The following DENND4A variants were observed in gnomAD, a reference collection of about 807,000 sequenced individuals.
The protein encoded by DENND4A is C-myc promoter-binding protein.
In DENND4A, 70 loss-of-function variants were observed where a neutral mutation model predicts 199.3. That is an observed-to-expected ratio of 0.35 (90% CI 0.29 to 0.43). The LOEUF (loss-of-function observed/expected upper bound fraction) is 0.43, where lower values mean the gene tolerates loss of function less well. Among genes scored for constraint, DENND4A ranks in the 20% least tolerant of loss-of-function variants. DENND4A has a pLI of 1.00. For synonymous variants in DENND4A, 686 were observed against 766.9 expected, an observed-to-expected ratio of 0.89 and a Z score of 1.74; for missense variants, 1,723 against 2,255.8, an observed-to-expected ratio of 0.76 and a Z score of 4.78.
chr15:65,740,596 TCTAGA>T (rs2076234587), intron 5 of DENND4A, among the ~76,000 whole-genome samples: 1 of 149,284 alleles, frequency 6.7e-6, no homozygotes, highest in African/African-American at 2.5e-5. Flanking sequence ...ACGACTGCAC[TCTAGA>T]CTAGGCAACA....
chr15:65,766,630 G>C (rs1326969632), intron 1 of DENND4A: 1 of 152,118 alleles, frequency 6.6e-6, no homozygotes, highest in Non-Finnish European at 1.5e-5. Flanking sequence ...ATCCACAGGT[G>C]GTCCTGGAAC....
At chr15:65,690,350 G>C in intron 23 of DENND4A, 65 bp downstream of exon 23, 1 of 1,469,216 alleles carries the variant, frequency 6.8e-7, no homozygotes, top group Middle Eastern at 1.8e-4. Flanking sequence ...AACGAGTAAG[G>C]GGCTTTTGGT....
At chr15:65,732,849 C>CA in intron 7 of DENND4A, 31 bp from the exon 8 acceptor site, 1 of 1,350,004 alleles carries the variant, frequency 7.4e-7, no homozygotes, top group Admixed American at 1.8e-5. Context: ...TAAGTGATTC[C>CA]AAAGTGAACG....
chr15:65,771,725 A>G (rs1210712843), intron 1 of DENND4A: 1 of 1,610,688 alleles, frequency 6.2e-7, no homozygotes, highest in East Asian at 2.2e-5. Flanking sequence ...TTCTGGAGTT[A>G]TATCAACTTC....
chr15:65,766,591 G>C (rs2076993623), intron 1 of DENND4A: 3 of 152,166 alleles, frequency 2.0e-5, no homozygotes. Flanking sequence ...TTCTCAACAG[G>C]CAACTGTGGG....
At chr15:65,681,101 T>G (rs905353513) in intron 23 of DENND4A, 1 of 152,248 alleles carries the variant, frequency 6.6e-6, no homozygotes, top group Non-Finnish European at 1.5e-5. Context: ...TGCTCATCCA[T>G]TAGAAGCAAC....
intron 1 of DENND4A, among the ~76,000 whole-genome samples, chr15:65,786,095 C>T (rs1333703040): frequency 1.3e-5 from 2 of 152,048 alleles, no homozygotes; most frequent in Non-Finnish European, 2.9e-5. Context: ...AGGTATATGA[C>T]CTGGAGAAAC....
intron 1 of DENND4A, among the ~76,000 whole-genome samples, chr15:65,768,193 C>T (rs1429649799): frequency 1.3e-5 from 2 of 151,906 alleles, no homozygotes; most frequent in Admixed American, 6.6e-5. Flanking sequence ...GGTAGAGATG[C>T]GGTTTTGCCA....
chr15:65,791,267 A>T (rs1452779792), intron 1 of DENND4A, among the ~76,000 whole-genome samples: 2 of 152,228 alleles, frequency 1.3e-5, no homozygotes, highest in African/African-American at 4.8e-5. Context: ...CGTTTGAATT[A>T]AAAGCACATT....
intron 12 of DENND4A, among the ~76,000 whole-genome samples, chr15:65,721,150 T>C (rs1299766147): frequency 6.6e-6 from 1 of 151,466 alleles, no homozygotes; most frequent in Non-Finnish European, 1.5e-5. Flanking sequence ...CAATAGCTGT[T>C]GGGCTTCTTA....
intron 1 of DENND4A, among the ~76,000 whole-genome samples, chr15:65,765,524 TG>T (rs1288386179): frequency 6.6e-6 from 1 of 152,242 alleles, no homozygotes; most frequent in African/African-American, 2.4e-5. Context: ...GGTAACATCT[TG>T]CAAAACTATA....
intron 1 of DENND4A, chr15:65,771,230 A>G: frequency 6.2e-7 from 1 of 1,605,816 alleles, no homozygotes; most frequent in Non-Finnish European, 8.5e-7. Flanking sequence ...GTCCATGCTC[A>G]AGGCATCTGA....
intron 7 of DENND4A, among the ~76,000 whole-genome samples, chr15:65,736,924 AC>A (rs1350041434): frequency 2.0e-5 from 3 of 152,226 alleles, no homozygotes; most frequent in African/African-American, 7.2e-5. Flanking sequence ...TTCAAAAAAG[AC>A]ATTTATATTA....
chr15:65,782,558 C>T (rs1175942394), intron 1 of DENND4A, among the ~76,000 whole-genome samples: 1 of 152,070 alleles, frequency 6.6e-6, no homozygotes, highest in Admixed American at 6.6e-5. Flanking sequence ...AATGTGACCT[C>T]GGACAAGTTG....
At chr15:65,788,626 C>T (rs1395781598) in intron 1 of DENND4A, among the ~76,000 whole-genome samples, 1 of 151,802 alleles carries the variant, frequency 6.6e-6, no homozygotes, top group Non-Finnish European at 1.5e-5. Flanking sequence ...GGGAGGCCAA[C>T]GCGGGCAGAC....
chr15:65,760,256 G>A (rs1387464715), intron 2 of DENND4A, among the ~76,000 whole-genome samples: 1 of 152,138 alleles, frequency 6.6e-6, no homozygotes, highest in Non-Finnish European at 1.5e-5. Context: ...CAGCACTTTG[G>A]AAGGCCAAGG....
chr15:65,735,948 A>G (rs1018484929), intron 7 of DENND4A, among the ~76,000 whole-genome samples: 6 of 152,178 alleles, frequency 3.9e-5, no homozygotes, highest in African/African-American at 1.4e-4. Context: ...AAAATTAGAC[A>G]AGCATGGTGG....
chr15:65,722,391 C>T (rs923216543), intron 12 of DENND4A, among the ~76,000 whole-genome samples: 1 of 151,938 alleles, frequency 6.6e-6, no homozygotes, highest in African/African-American at 2.4e-5. Flanking sequence ...CTACTTGAGC[C>T]CAGGAGGTCA....
intron 5 of DENND4A, 46 bp from the exon 6 acceptor site, chr15:65,738,921 G>C (rs1304058199): frequency 7.4e-7 from 1 of 1,357,318 alleles, no homozygotes; most frequent in Non-Finnish European, 9.9e-7. Flanking sequence ...CTTGAATTTA[G>C]GTACTTATTA....
Sources: allele counts gnomAD v4.1 joint callset (sites outside exome capture counted in the v4.1 genomes callset), GRCh38; gene constraint gnomAD v4.1.1; transcripts MANE v1.5; gene names NCBI Gene and HGNC (gene_info 2026-07-23, HGNC 2026-07-21).